The following RAI14 variants were observed in gnomAD, a reference collection of about 807,000 sequenced individuals.
RAI14 encodes retinoic acid induced 14.
A neutral mutation model predicts 115.4 loss-of-function variants in RAI14; 45 were observed. That is an observed-to-expected ratio of 0.39 (90% CI 0.31 to 0.50). The LOEUF is 0.50. RAI14 is among the 20% of genes least tolerant of loss of function. The pLI, the probability that RAI14 is intolerant of heterozygous loss-of-function variation, is 0.85. For missense variants in RAI14, 939 were observed against 1,131.2 expected (o/e 0.83, Z 2.44); for synonymous variants, 371 against 415.4 (o/e 0.89, Z 1.30).
At chr5:34,676,721 A>G (rs559059734) in intron 1 of RAI14, among the ~76,000 whole-genome samples, 1 of 152,348 alleles carries the variant, frequency 6.6e-6, no homozygotes, top group African/African-American at 2.4e-5. Flanking sequence ...TTGGTTTCCA[A>G]GAGAAATGTC....
chr5:34,737,577 A>T (rs572057791), intron 2 of RAI14, among the ~76,000 whole-genome samples: 8 of 138,954 alleles, frequency 5.8e-5, no homozygotes, highest in Non-Finnish European at 1.1e-4. Flanking sequence ...GGCAACACAG[A>T]CCTCATCTCT....
intron 2 of RAI14, among the ~76,000 whole-genome samples, chr5:34,730,568 C>T (rs968474743): frequency 6.6e-6 from 1 of 151,892 alleles, no homozygotes; most frequent in African/African-American, 2.4e-5. Context: ...CTCTGCTACT[C>T]GGGAGGCAGA....
At chr5:34,829,152 TAGAC>T (rs1757761700) in intron 16 of RAI14, among the ~76,000 whole-genome samples, 1 of 143,268 alleles carries the variant, frequency 7.0e-6, no homozygotes, top group African/African-American at 2.7e-5. Context: ...CACACATATA[TAGAC>T]ACACATACAC....
chr5:34,781,185 A>T (rs1019112417), intron 3 of RAI14, among the ~76,000 whole-genome samples: 1 of 138,406 alleles, frequency 7.2e-6, no homozygotes, highest in African/African-American at 2.7e-5. Flanking sequence ...GAACACTTGG[A>T]CACAGGAAGG....
chr5:34,700,285 G>A (rs1017382702), intron 2 of RAI14, among the ~76,000 whole-genome samples: 1 of 152,048 alleles, frequency 6.6e-6, no homozygotes, highest in South Asian at 2.1e-4. Flanking sequence ...ACTGGAGGGC[G>A]GACTGTTTTG....
chr5:34,733,259 T>C (rs532667914), intron 2 of RAI14: 1 of 152,230 alleles, frequency 6.6e-6, no homozygotes, highest in Non-Finnish European at 1.5e-5. Context: ...CACAGGCCTG[T>C]CCAATGCATA....
intron 1 of RAI14, among the ~76,000 whole-genome samples, chr5:34,683,653 A>T (rs1382081646): frequency 6.6e-6 from 1 of 151,588 alleles, no homozygotes; most frequent in Non-Finnish European, 1.5e-5. Context: ...TTCCTGCTGG[A>T]CTGATTTGTC....
intron 1 of RAI14, among the ~76,000 whole-genome samples, chr5:34,668,634 T>C (rs1265475119): frequency 6.6e-6 from 1 of 152,146 alleles, no homozygotes; most frequent in Non-Finnish European, 1.5e-5. Context: ...GGAGTTGATA[T>C]CATTTTTCTC....
rs1172726740 is a variant in RAI14 at position 34,830,673 on chromosome 5, G to T, written c.2866-15G>T. Reference sequence around the variant, plus strand: ...ATTTAGGTTCTAATGAGTATCTTGTGTTTGAATATCCTAGGGCCAGATGGA... The same window carrying T: ...ATTTAGGTTCTAATGAGTATCTTGTTTTTGAATATCCTAGGGCCAGATGGA... On this transcript the variant is annotated splice_polypyrimidine_tract_variant and intron_variant, in intron 17 of 17. Transcript: ENST00000265109. The T allele has an allele frequency of 6.2e-7, 1 of 1,614,044 alleles. No homozygotes were observed. The highest frequency in any genetic ancestry group is 1.7e-5 in the Admixed American group (1 of 60,022).
chr5:34,803,653 G>A (rs1351992577), intron 4 of RAI14, 59 bp from the exon 5 acceptor site: 2 of 1,384,608 alleles, frequency 1.4e-6, no homozygotes, highest in East Asian at 2.5e-5. Flanking sequence ...ATAAGAAAGA[G>A]ATTTTTTTTA....
chr5:34,789,833 T>C (rs527559322), intron 3 of RAI14, among the ~76,000 whole-genome samples: 27 of 152,210 alleles, frequency 1.8e-4, no homozygotes, highest in Non-Finnish European at 3.5e-4. Flanking sequence ...ATTTTACTGA[T>C]GTGGAAACTG....
intron 12 of RAI14, 107 bp downstream of exon 12, chr5:34,814,776 GGTTCACAACCTTTTCACCA>G: frequency 7.7e-6 from 7 of 906,328 alleles, no homozygotes; most frequent in Non-Finnish European, 1.2e-5. Context: ...CTGAATCATT[GGTTCACAACCTTTTCACCA>G]TGAAGTACCC....
intron 2 of RAI14, among the ~76,000 whole-genome samples, chr5:34,711,122 T>C (rs572694052): frequency 1.9e-4 from 29 of 152,284 alleles, no homozygotes; most frequent in African/African-American, 7.0e-4. Context: ...GATTAGGTCA[T>C]AGGTTTCATG....
At chr5:34,761,483 A>G (rs529472585) in intron 3 of RAI14, among the ~76,000 whole-genome samples, 5 of 152,106 alleles carry the variant, frequency 3.3e-5, no homozygotes, top group Admixed American at 1.3e-4. Flanking sequence ...CCAGCCTTCT[A>G]TTTTCTAGAG....
At chr5:34,774,212 G>A (rs1402599028) in intron 3 of RAI14, among the ~76,000 whole-genome samples, 2 of 151,278 alleles carry the variant, frequency 1.3e-5, no homozygotes, top group African/African-American at 4.9e-5. Flanking sequence ...AAAATAGCCA[G>A]ACATTGTGGC....
chr5:34,700,409 G>A (rs942237986), intron 2 of RAI14, among the ~76,000 whole-genome samples: 11 of 152,100 alleles, frequency 7.2e-5, no homozygotes, highest in African/African-American at 2.7e-4. Context: ...TTTCCCCATG[G>A]TGAACAAGTG....
intron 3 of RAI14, among the ~76,000 whole-genome samples, chr5:34,770,166 A>T (rs935606421): frequency 6.6e-6 from 1 of 152,170 alleles, no homozygotes; most frequent in Non-Finnish European, 1.5e-5. Flanking sequence ...TGTCCAGCCC[A>T]TTCCCCGGTG....
intron 2 of RAI14, among the ~76,000 whole-genome samples, chr5:34,688,945 A>T (rs2149890485): frequency 6.6e-6 from 1 of 152,324 alleles, no homozygotes; most frequent in Middle Eastern, 3.4e-3. Context: ...TATTACTATT[A>T]AGCTCATTTT....
chr5:34,691,677 C>A (rs187082175), intron 2 of RAI14, among the ~76,000 whole-genome samples: 1 of 152,110 alleles, frequency 6.6e-6, no homozygotes, highest in Non-Finnish European at 1.5e-5. Flanking sequence ...GCCACTCAAA[C>A]GTGATCGAGG....
Sources: gnomAD v4.1 joint callset for allele counts (sites outside exome capture counted in the v4.1 genomes callset) on GRCh38, gnomAD v4.1.1 for gene constraint, MANE v1.5 for transcripts, NCBI Gene and HGNC (gene_info 2026-07-23, HGNC 2026-07-21) for gene names.